CTNNA3: variants seen among roughly 807,000 people sequenced by gnomAD.
The protein encoded by CTNNA3 is catenin alpha 3, also known as catenin alpha-3.
Under a neutral mutation model 95.7 loss-of-function variants are expected in CTNNA3, and 76 were observed. The ratio of observed to expected loss-of-function variants is 0.79; its 90% confidence interval spans 0.66 to 0.96. CTNNA3 has a LOEUF of 0.96. Among genes scored for constraint, CTNNA3 ranks in the 40% least tolerant of loss-of-function variants. The pLI is 0.00. For missense variants in CTNNA3, 1,191 were observed against 1,089.8 expected, an observed-to-expected ratio of 1.09 and a Z score of -1.31; for synonymous variants, 431 against 374.4, an observed-to-expected ratio of 1.15 and a Z score of -1.74.
chr10:66,512,750 C>A (rs1840705854), intron 11 of CTNNA3, among the ~76,000 whole-genome samples: 1 of 152,010 alleles, frequency 6.6e-6, no homozygotes, highest in South Asian at 2.1e-4. Flanking sequence ...TCCTTCATTT[C>A]TAAAGAATAG....
intron 10 of CTNNA3, among the ~76,000 whole-genome samples, chr10:66,568,685 A>G (rs1198696917): frequency 6.6e-6 from 1 of 152,036 alleles, no homozygotes; most frequent in East Asian, 2.0e-4. Context: ...AGGGAGCAAT[A>G]GAACCAAAGT....
chr10:67,573,263 C>T (rs1842033998), intron 3 of CTNNA3, among the ~76,000 whole-genome samples: 1 of 152,076 alleles, frequency 6.6e-6, no homozygotes, highest in African/African-American at 2.4e-5. Context: ...GTCCCTACGA[C>T]CAACCCCCAA....
intron 5 of CTNNA3, among the ~76,000 whole-genome samples, chr10:67,222,165 AAC>A (rs1864692059): frequency 6.6e-6 from 1 of 152,198 alleles, no homozygotes; most frequent in Admixed American, 6.5e-5. Context: ...TCTGAAAATA[AAC>A]ACTGTCTGCT....
chr10:67,330,774 C>T (rs1564571831), intron 5 of CTNNA3, among the ~76,000 whole-genome samples: 1 of 151,970 alleles, frequency 6.6e-6, no homozygotes, highest in Non-Finnish European at 1.5e-5. Flanking sequence ...CAGATCACTC[C>T]CCAAACCTTC....
At chr10:66,931,355 T>C (rs996021675) in intron 7 of CTNNA3, among the ~76,000 whole-genome samples, 3 of 152,210 alleles carry the variant, frequency 2.0e-5, no homozygotes, top group Non-Finnish European at 4.4e-5. Context: ...CCACAGCATG[T>C]AGTTAAATAG....
At position 66,457,441 on chromosome 10, in the gene CTNNA3, A is replaced by G. The variant is rs1054891295; in HGVS notation, c.1531+63176T>C. ...AATGTGCAGTGACTAGAACACTCCTACATTGCTGTTGGGCACTCTCTTGTT... is the reference window on the plus strand; with the variant it reads ...AATGTGCAGTGACTAGAACACTCCTGCATTGCTGTTGGGCACTCTCTTGTT... On this transcript the variant is annotated intron_variant, in intron 11 of 17. Transcript: ENST00000433211. 5.3e-5 allele frequency among the ~76,000 whole-genome samples: 8 copies of G among 152,240 alleles called. No individual in the cohort carries two copies. The South Asian group carries it at 1.7e-3, about 32-fold the overall frequency.
chr10:66,810,584 C>T (rs143391997), intron 7 of CTNNA3, among the ~76,000 whole-genome samples: 4 of 152,276 alleles, frequency 2.6e-5, no homozygotes, highest in African/African-American at 7.2e-5. Context: ...TCCCATGTTG[C>T]TCCCACATCC....
intron 14 of CTNNA3, among the ~76,000 whole-genome samples, chr10:66,101,388 T>G (rs2081623998): frequency 6.6e-6 from 1 of 152,140 alleles, no homozygotes; most frequent in Non-Finnish European, 1.5e-5. Flanking sequence ...CAAAGAACAT[T>G]TTTTCTCCAC....
intron 10 of CTNNA3, among the ~76,000 whole-genome samples, chr10:66,538,304 T>C (rs1321658324): frequency 6.6e-6 from 1 of 152,156 alleles, no homozygotes; most frequent in Non-Finnish European, 1.5e-5. Context: ...TATTCTAGCA[T>C]TTTCAGGTGG....
intron 2 of CTNNA3, among the ~76,000 whole-genome samples, chr10:67,643,019 C>A (rs1421037884): frequency 6.6e-6 from 1 of 152,082 alleles, no homozygotes; most frequent in African/African-American, 2.4e-5. Flanking sequence ...GATACATGCA[C>A]ATGCATGTTC....
chr10:67,529,623 C>A (rs892766232), intron 4 of CTNNA3, among the ~76,000 whole-genome samples: 1 of 149,138 alleles, frequency 6.7e-6, no homozygotes, highest in Middle Eastern at 3.2e-3. Context: ...GCACATGTAC[C>A]CTAAAACTTA....
At chr10:67,553,998 G>A (rs186556557) in intron 3 of CTNNA3, among the ~76,000 whole-genome samples, 1 of 152,266 alleles carries the variant, frequency 6.6e-6, no homozygotes, top group East Asian at 1.9e-4. Context: ...CTATGAGTGA[G>A]AACATACAGT....
At chr10:67,437,474 AC>A (rs894100836) in intron 5 of CTNNA3, among the ~76,000 whole-genome samples, 1 of 152,144 alleles carries the variant, frequency 6.6e-6, no homozygotes, top group Non-Finnish European at 1.5e-5. Context: ...TTTAATAAAT[AC>A]CCCAATAAAT....
At chr10:66,702,707 CA>C (rs36140474) in intron 9 of CTNNA3, among the ~76,000 whole-genome samples, 11,280 of 81,064 alleles carry the variant, frequency 0.14, 435 homozygotes, top group African/African-American at 0.21. Context: ...AACTCCACCT[CA>C]AAAAAAAAAA....
At chr10:66,697,763 A>G (rs930165480) in intron 9 of CTNNA3, among the ~76,000 whole-genome samples, 3 of 152,070 alleles carry the variant, frequency 2.0e-5, no homozygotes, top group Admixed American at 1.3e-4. Flanking sequence ...CTTTGAAGCA[A>G]TTTTCAAGGA....
At chr10:66,055,198 A>G (rs1215424952) in intron 15 of CTNNA3, among the ~76,000 whole-genome samples, 1 of 152,170 alleles carries the variant, frequency 6.6e-6, no homozygotes, top group Admixed American at 6.6e-5. Flanking sequence ...TGCTTTGGCT[A>G]TTATGGGTCT....
chr10:66,187,749 CAAAT>C (rs1483271094), intron 13 of CTNNA3, among the ~76,000 whole-genome samples: 1 of 151,782 alleles, frequency 6.6e-6, no homozygotes, highest in Non-Finnish European at 1.5e-5. Context: ...AGTCATTAAA[CAAAT>C]AAACAACAGC....
chr10:66,091,661 G>A (rs1041983266), intron 14 of CTNNA3, among the ~76,000 whole-genome samples: 1 of 151,836 alleles, frequency 6.6e-6, no homozygotes, highest in African/African-American at 2.4e-5. Flanking sequence ...AAGAAAAAAT[G>A]GAAAGAGGTT....
chr10:66,634,880 A>C (rs932034888), intron 9 of CTNNA3, among the ~76,000 whole-genome samples: 46 of 152,140 alleles, frequency 3.0e-4, no homozygotes, highest in African/African-American at 8.7e-4. Context: ...ACATACACAC[A>C]AACTCAAACA....
Sources: gnomAD v4.1 joint callset for allele counts (sites outside exome capture counted in the v4.1 genomes callset) on GRCh38, gnomAD v4.1.1 for gene constraint, MANE v1.5 for transcripts, NCBI Gene and HGNC (gene_info 2026-07-23, HGNC 2026-07-21) for gene names.